Variants in XKR9 observed in about 807,000 individuals in gnomAD.
XKR9 encodes the protein XK related 9.
Under a neutral mutation model 32.0 loss-of-function variants are expected in XKR9, and 32 were observed. That is an observed-to-expected ratio of 1.00 (90% confidence interval 0.76 to 1.34). The LOEUF is 1.34. XKR9 is among the 40% of genes most tolerant of loss of function. The pLI is 0.00. For missense variants in XKR9, 546 were observed against 429.7 expected (o/e 1.27, Z -2.39); for synonymous variants, 168 against 143.4 (o/e 1.17, Z -1.22).
chr8:70,781,216 T>A (rs1004801199), intron 2 of XKR9, among the ~76,000 whole-genome samples: 2 of 152,168 alleles, frequency 1.3e-5, no homozygotes, highest in Non-Finnish European at 2.9e-5. Flanking sequence ...CACTTGTGTA[T>A]CTTTTTTGGA....
the XKR9 span, among the ~76,000 whole-genome samples, chr8:70,854,781 C>T: frequency 6.6e-6 from 1 of 152,164 alleles, no homozygotes; most frequent in Admixed American, 6.6e-5. Flanking sequence ...AAATAGGAAT[C>T]CTTTCCCCAT....
At chr8:70,764,503 G>A (rs1274264812) in intron 2 of XKR9, among the ~76,000 whole-genome samples, 1 of 152,120 alleles carries the variant, frequency 6.6e-6, no homozygotes, top group Non-Finnish European at 1.5e-5. Flanking sequence ...TTTCTGTCTT[G>A]TTTGGACTTC....
the XKR9 span, among the ~76,000 whole-genome samples, chr8:70,808,677 A>G: frequency 6.6e-6 from 1 of 152,192 alleles, no homozygotes; most frequent in Middle Eastern, 3.2e-3. Context: ...AGGGTCCTAC[A>G]CCCACGGAGC....
chr8:70,973,169 C>T, the XKR9 span, among the ~76,000 whole-genome samples: 2 of 151,976 alleles, frequency 1.3e-5, no homozygotes. Context: ...CTCAGAGATT[C>T]TATATCTTCT....
chr8:70,914,372 A>T, the XKR9 span, among the ~76,000 whole-genome samples: 10 of 152,316 alleles, frequency 6.6e-5, no homozygotes, highest in South Asian at 1.0e-3. Context: ...ATGTATGTGA[A>T]TTTCAGTTGT....
the XKR9 span, among the ~76,000 whole-genome samples, chr8:70,814,286 C>G: frequency 7.2e-5 from 11 of 151,728 alleles, no homozygotes; most frequent in Non-Finnish European, 1.5e-4. Context: ...ACTCTGGTGA[C>G]TGTTGTGGGG....
At chr8:70,765,565 T>C (rs890558886) in intron 2 of XKR9, among the ~76,000 whole-genome samples, 2 of 152,208 alleles carry the variant, frequency 1.3e-5, no homozygotes, top group Admixed American at 1.3e-4. Flanking sequence ...GTTCTGTAGG[T>C]TGCCTGCTCA....
chr8:71,012,402 G>A, the XKR9 span, among the ~76,000 whole-genome samples: 2 of 152,136 alleles, frequency 1.3e-5, no homozygotes, highest in African/African-American at 4.8e-5. Context: ...GTGTGTTTGA[G>A]GGTGAACAGG....
chr8:70,993,322 A>G, the XKR9 span, among the ~76,000 whole-genome samples: 1 of 152,166 alleles, frequency 6.6e-6, no homozygotes, highest in African/African-American at 2.4e-5. Flanking sequence ...TCATCATGCC[A>G]GGGAAAATTG....
At chr8:70,852,236 C>A in the XKR9 span, among the ~76,000 whole-genome samples, 1 of 152,210 alleles carries the variant, frequency 6.6e-6, no homozygotes, top group African/African-American at 2.4e-5. Flanking sequence ...CAATGAGATA[C>A]GATCTCATGC....
intron 2 of XKR9, among the ~76,000 whole-genome samples, chr8:70,745,198 TA>T (rs1807041065): frequency 7.6e-6 from 1 of 131,094 alleles, no homozygotes; most frequent in South Asian, 2.2e-4. Flanking sequence ...ATGTTTTGGC[TA>T]AATAGTAAGC....
downstream of XKR9, among the ~76,000 whole-genome samples, chr8:70,739,701 G>A (rs1302096314): frequency 6.6e-6 from 1 of 152,112 alleles, no homozygotes; most frequent in Non-Finnish European, 1.5e-5. Flanking sequence ...TGTCTGTAAA[G>A]TATTTTATTT....
chr8:70,878,329 C>T, the XKR9 span, among the ~76,000 whole-genome samples: 6 of 152,238 alleles, frequency 3.9e-5, no homozygotes, highest in East Asian at 9.6e-4. Context: ...TGTAAATGTG[C>T]TGAATGCCCC....
At chr8:70,970,423 C>T in the XKR9 span, among the ~76,000 whole-genome samples, 1 of 151,990 alleles carries the variant, frequency 6.6e-6, no homozygotes, top group Non-Finnish European at 1.5e-5. Flanking sequence ...TACCCATCAA[C>T]CCATCACCTA....
the XKR9 span, among the ~76,000 whole-genome samples, chr8:70,804,570 G>A: frequency 6.6e-6 from 1 of 152,176 alleles, no homozygotes; most frequent in African/African-American, 2.4e-5. Context: ...AAACAGGTTG[G>A]AAAATAGGAT....
At chr8:70,926,732 T>C in the XKR9 span, among the ~76,000 whole-genome samples, 1 of 152,202 alleles carries the variant, frequency 6.6e-6, no homozygotes, top group African/African-American at 2.4e-5. Flanking sequence ...GATAACTAAG[T>C]GCTCTACCAA....
the XKR9 span, among the ~76,000 whole-genome samples, chr8:70,888,528 A>G: frequency 6.6e-6 from 1 of 151,812 alleles, no homozygotes; most frequent in African/African-American, 2.4e-5. Flanking sequence ...AAATCTTTAC[A>G]CAGACCCAGA....
At chr8:70,879,545 C>G in the XKR9 span, among the ~76,000 whole-genome samples, 2 of 152,270 alleles carry the variant, frequency 1.3e-5, no homozygotes, top group African/African-American at 2.4e-5. Flanking sequence ...TGCAAATAAA[C>G]TAGAAAATCT....
the XKR9 span, among the ~76,000 whole-genome samples, chr8:70,831,427 T>A: frequency 6.6e-6 from 1 of 152,328 alleles, no homozygotes; most frequent in South Asian, 2.1e-4. Flanking sequence ...GTATGTTCTT[T>A]ACATTTAAGT....
Sources: allele counts gnomAD v4.1 joint callset (sites outside exome capture counted in the v4.1 genomes callset), GRCh38; gene constraint gnomAD v4.1.1; transcripts MANE v1.5; gene names NCBI Gene and HGNC (gene_info 2026-07-23, HGNC 2026-07-21).